The following CTTNBP2 variants were observed in gnomAD, a reference collection of about 807,000 sequenced individuals.
The protein encoded by CTTNBP2 is cortactin-binding protein 2.
A neutral mutation model predicts 156.9 loss-of-function variants in CTTNBP2; 108 were observed. That is an observed-to-expected ratio of 0.69 (90% confidence interval 0.59 to 0.81). CTTNBP2 has a LOEUF of 0.81. Among genes scored for constraint, CTTNBP2 ranks in the 30% least tolerant of loss-of-function variants. CTTNBP2 has a pLI of 0.00. For synonymous variants in CTTNBP2, 767 were observed against 751.8 expected (o/e 1.02, Z -0.33); for missense variants, 1,924 against 2,035.4 (o/e 0.95, Z 1.05).
intron 2 of CTTNBP2, among the ~76,000 whole-genome samples, chr7:117,845,624 C>T (rs957721969): frequency 3.3e-5 from 5 of 152,170 alleles, no homozygotes; most frequent in Non-Finnish European, 7.3e-5. Context: ...TTCTAGCAGG[C>T]ACTACCAATG....
At chr7:117,801,763 G>A (rs1219191133) in intron 3 of CTTNBP2, among the ~76,000 whole-genome samples, 1 of 151,832 alleles carries the variant, frequency 6.6e-6, no homozygotes, top group Non-Finnish European at 1.5e-5. Context: ...AAAGGAGAAG[G>A]AAAAAATAAA....
intron 3 of CTTNBP2, among the ~76,000 whole-genome samples, chr7:117,793,794 A>C (rs1315646883): frequency 6.6e-6 from 1 of 152,198 alleles, no homozygotes; most frequent in Non-Finnish European, 1.5e-5. Context: ...CTAGACAGGG[A>C]GCTTTCAAAG....
chr7:117,735,835 G>T (rs969331819), intron 14 of CTTNBP2, among the ~76,000 whole-genome samples: 2 of 152,044 alleles, frequency 1.3e-5, no homozygotes, highest in Non-Finnish European at 2.9e-5. Flanking sequence ...TTCAAAACAG[G>T]CAACACTAAA....
chr7:117,795,148 G>A (rs1338386369), intron 3 of CTTNBP2, among the ~76,000 whole-genome samples: 2 of 115,204 alleles, frequency 1.7e-5, no homozygotes, highest in East Asian at 2.4e-4. Context: ...CACCCGCCTC[G>A]GCCTCCCAAA....
At chr7:117,837,294 A>C (rs1336348495) in intron 2 of CTTNBP2, among the ~76,000 whole-genome samples, 1 of 152,178 alleles carries the variant, frequency 6.6e-6, no homozygotes, top group Non-Finnish European at 1.5e-5. Flanking sequence ...TAACAACAAA[A>C]TGTTCACTTG....
At chr7:117,778,360 A>T (rs947414801) in intron 7 of CTTNBP2, among the ~76,000 whole-genome samples, 1 of 152,184 alleles carries the variant, frequency 6.6e-6, no homozygotes, top group African/African-American at 2.4e-5. Flanking sequence ...AGGGATACTG[A>T]TCATTATAAG....
intron 1 of CTTNBP2, among the ~76,000 whole-genome samples, chr7:117,866,641 CT>C (rs2117282125): frequency 6.6e-6 from 1 of 152,284 alleles, no homozygotes; most frequent in East Asian, 1.9e-4. Context: ...ATCATTTCAT[CT>C]GTTTGAATCT....
intron 5 of CTTNBP2, 126 bp from the exon 6 acceptor site, chr7:117,783,087 T>C: frequency 1.6e-6 from 1 of 621,160 alleles, no homozygotes. Context: ...ATCTCAGAAT[T>C]CCATCATGGC....
chr7:117,819,356 T>TCC (rs1554438257), intron 2 of CTTNBP2, among the ~76,000 whole-genome samples: 1 of 127,072 alleles, frequency 7.9e-6, no homozygotes, highest in African/African-American at 3.3e-5. Flanking sequence ...TCTTTTCTCC[T>TCC]TCTCTCTCTC....
At chr7:117,865,853 G>A (rs1409163293) in intron 1 of CTTNBP2, among the ~76,000 whole-genome samples, 1 of 149,380 alleles carries the variant, frequency 6.7e-6, no homozygotes, top group Non-Finnish European at 1.5e-5. Context: ...AGTATGTCTT[G>A]TTTAGGATAC....
intron 3 of CTTNBP2, chr7:117,793,367 G>A (rs994630012): frequency 2.0e-5 from 3 of 152,200 alleles, no homozygotes; most frequent in Non-Finnish European, 2.9e-5. Context: ...GCTAAAGAAC[G>A]ATCTTATTAG....
Position 117,791,480 on chromosome 7 carries a change from G to A in CTTNBP2, c.1716C>T (p.Ala572=), listed in dbSNP as rs765979869. 1.9e-6 allele frequency: 3 copies of A among 1,614,106 alleles called. No homozygotes were observed. The highest frequency in any genetic ancestry group is 1.3e-5 in the African/African-American group (1 of 74,928). The change falls in exon 4 of 23, where the codon GCC becomes GCT. Residue 572 remains alanine (A), a synonymous_variant. Coordinates refer to ENST00000160373, the MANE Select transcript of CTTNBP2 (RefSeq NM_033427.3). ...QLKVIIDSSR[A]SNTGAKVDNK... ...TATCAACTTTGGCCCCTGTGTTCGA[G>A]GCCCTGCTGCTGTCTATAATAACCT...
At chr7:117,842,674 T>C (rs1024382926) in intron 2 of CTTNBP2, among the ~76,000 whole-genome samples, 1 of 152,112 alleles carries the variant, frequency 6.6e-6, no homozygotes, top group African/African-American at 2.4e-5. Context: ...AAAATAGAGA[T>C]AGAAAAAATG....
intron 9 of CTTNBP2, among the ~76,000 whole-genome samples, chr7:117,763,309 AAAACT>A (rs1353179473): frequency 1.3e-5 from 2 of 152,178 alleles, no homozygotes; most frequent in African/African-American, 2.4e-5. Flanking sequence ...ATGGATGAAG[AAAACT>A]ATTCTACCAG....
intron 2 of CTTNBP2, among the ~76,000 whole-genome samples, chr7:117,819,950 C>A (rs1431939002): frequency 6.6e-6 from 1 of 152,132 alleles, no homozygotes; most frequent in Non-Finnish European, 1.5e-5. Flanking sequence ...AAGTGTAGAC[C>A]ATATTAGCAG....
intron 16 of CTTNBP2, 149 bp from the exon 17 acceptor site, chr7:117,728,416 A>AC: frequency 1.6e-6 from 1 of 618,470 alleles, no homozygotes; most frequent in Non-Finnish European, 2.8e-6. Flanking sequence ...AGGAGGGATA[A>AC]TAACACATAC....
At chr7:117,781,856 C>T (rs1177545103) in intron 6 of CTTNBP2, among the ~76,000 whole-genome samples, 1 of 152,164 alleles carries the variant, frequency 6.6e-6, no homozygotes, top group Non-Finnish European at 1.5e-5. Flanking sequence ...CTACAGGTTG[C>T]CTGGTGAAAG....
At chr7:117,737,314 A>C (rs1795759564) in intron 14 of CTTNBP2, among the ~76,000 whole-genome samples, 1 of 152,218 alleles carries the variant, frequency 6.6e-6, no homozygotes, top group South Asian at 2.1e-4. Context: ...GCGATTAAAA[A>C]AACACACAGG....
At chr7:117,828,573 A>G (rs772257461) in intron 2 of CTTNBP2, among the ~76,000 whole-genome samples, 4 of 152,234 alleles carry the variant, frequency 2.6e-5, no homozygotes, top group Admixed American at 1.3e-4. Flanking sequence ...GCTGTAAAAA[A>G]TGCTTTACAA....
Sources: gnomAD v4.1 joint callset for allele counts (sites outside exome capture counted in the v4.1 genomes callset) on GRCh38, gnomAD v4.1.1 for gene constraint, MANE v1.5 for transcripts, NCBI Gene and HGNC (gene_info 2026-07-23, HGNC 2026-07-21) for gene names.